Variants in ATP2C1 observed in about 807,000 individuals in gnomAD.
The protein encoded by ATP2C1 is calcium-transporting ATPase type 2C member 1.
ATP2C1 carries 31 observed loss-of-function variants against 120.5 expected under a neutral mutation model. That is an observed-to-expected ratio of 0.26 (90% confidence interval 0.19 to 0.35). The LOEUF (loss-of-function observed/expected upper bound fraction) is 0.35, where lower values mean the gene tolerates loss of function less well. Among genes scored for constraint, ATP2C1 ranks in the 10% least tolerant of loss-of-function variants. The pLI, the probability that ATP2C1 is intolerant of heterozygous loss-of-function variation, is 1.00. For synonymous variants in ATP2C1, 351 were observed against 358.7 expected, an observed-to-expected ratio of 0.98 and a Z score of 0.24; for missense variants, 731 against 1,107.5, an observed-to-expected ratio of 0.66 and a Z score of 4.83.
At position 130,975,397 on chromosome 3, in the gene ATP2C1, C is replaced by G; in HGVS notation, c.1479C>G (p.Tyr493Ter). ...AAGTAATTAAGTACTGTACTACATA[C>G]CAGAGCAAAGGGCAGACCTTGACAC... The part of the protein sequence containing the change: ...YEQVIKYCTT[Y>*]QSKGQTLTLT... Residue 493 changes from tyrosine to a stop codon, truncating the protein, a stop_gained, in exon 18 of 28, where the codon TAC becomes TAG. Coordinates refer to ENST00000510168, the MANE Select transcript of ATP2C1 (RefSeq NM_001378687.1). LOFTEE classifies it high-confidence loss of function. 6.2e-7 allele frequency: 1 copy of G among 1,613,754 alleles called. No individual in the cohort carries two copies. Among genetic ancestry groups the G allele is most frequent in the Non-Finnish European group, 8.5e-7 (1 of 1,179,790 alleles).
intron 8 of ATP2C1, among the ~76,000 whole-genome samples, chr3:130,951,412 T>C (rs919852164): frequency 6.6e-6 from 1 of 152,144 alleles, no homozygotes; most frequent in Admixed American, 6.5e-5. Flanking sequence ...GAGTTGTTAG[T>C]AGGATTAAAT....
intron 1 of ATP2C1, among the ~76,000 whole-genome samples, chr3:130,860,596 G>A (rs143269634): frequency 5.2e-4 from 79 of 152,314 alleles, no homozygotes; most frequent in African/African-American, 1.8e-3. Flanking sequence ...GAGAACTGAG[G>A]TTTCAAGAGG....
At chr3:130,893,707 G>A (rs2069293027), upstream of ATP2C1, among the ~76,000 whole-genome samples, 1 of 152,202 alleles carries the variant, frequency 6.6e-6, no homozygotes, top group Non-Finnish European at 1.5e-5. Flanking sequence ...GGCCGACCCC[G>A]CGGCCGCCCC....
rs183248242 is a variant in ATP2C1 at position 131,010,395 on chromosome 3, C to T, written c.2630-5757C>T. 1.8e-3 allele frequency among the ~76,000 whole-genome samples: 277 copies of T among 152,006 alleles called. 1 individual carries two copies. Among genetic ancestry groups the T allele is most frequent in the Middle Eastern group, 6.8e-3 (2 of 294 alleles). On this transcript the variant is annotated intron_variant, in intron 26 of 26. Coordinates refer to the ATP2C1 transcript ENST00000328560. Reference sequence around the variant, plus strand: ...ATTTTTAGTAGAGACGGGGTTTCACCATGTTAGCCAGGATGGTCTCGATCT... The same window carrying T: ...ATTTTTAGTAGAGACGGGGTTTCACTATGTTAGCCAGGATGGTCTCGATCT...
chr3:130,991,872 T>C (rs545711739), intron 20 of ATP2C1, among the ~76,000 whole-genome samples: 33 of 152,032 alleles, frequency 2.2e-4, no homozygotes, highest in Non-Finnish European at 3.4e-4. Flanking sequence ...TTCTCCAAAG[T>C]AGGAAGCAAG....
intron 20 of ATP2C1, 43 bp downstream of exon 20, chr3:130,980,722 T>C (rs1020928680): frequency 7.3e-7 from 1 of 1,374,888 alleles, no homozygotes; most frequent in African/African-American, 1.4e-5. Context: ...GGCCTTATTC[T>C]AAGTGTTACC....
At chr3:130,898,439 T>C (rs73872039) in intron 2 of ATP2C1, among the ~76,000 whole-genome samples, 3,220 of 152,272 alleles carry the variant, frequency 0.021, 118 homozygotes, top group African/African-American at 0.073. Flanking sequence ...TTCCTTTAAC[T>C]GAAAATAGGA....
chr3:130,990,272 A>AACC (rs1553779030), intron 20 of ATP2C1, among the ~76,000 whole-genome samples: 11 of 102,062 alleles, frequency 1.1e-4, no homozygotes, highest in Non-Finnish European at 1.4e-4. Context: ...CTTAAGAGCA[A>AACC]CCCCCCCCCC....
chr3:130,989,247 C>CAAAAAAAAAAAAA (rs71133625), intron 20 of ATP2C1, among the ~76,000 whole-genome samples: 1 of 121,962 alleles, frequency 8.2e-6, no homozygotes, highest in Non-Finnish European at 1.6e-5. Flanking sequence ...AAATCCATCT[C>CAAAAAAAAAAAAA]AAAAAAAAAA....
At chr3:130,891,397 A>T (rs2107870995), upstream of ATP2C1, among the ~76,000 whole-genome samples, 1 of 152,334 alleles carries the variant, frequency 6.6e-6, no homozygotes, top group East Asian at 1.9e-4. Flanking sequence ...GAATGTCATG[A>T]CCATTCTTCT....
rs557093132 is a variant in ATP2C1, at chr3:130,951,521, C to T, written c.532-2300C>T. ...TATTGGCATTATCTTTGAAGAAGGG[C>T]CCATTTTAAGATTTGTTTCTCTTAC... On this transcript the variant is annotated intron_variant, in intron 8 of 27. Transcript: ENST00000510168. Among the ~76,000 whole-genome samples the T allele has an allele frequency of 1.3e-4, 20 of 152,110 alleles. No homozygotes were observed. The South Asian group carries it at 4.1e-3, about 32-fold the overall frequency.
intron 1 of ATP2C1, among the ~76,000 whole-genome samples, chr3:130,852,148 C>T (rs1237969108): frequency 6.6e-6 from 1 of 152,190 alleles, no homozygotes; most frequent in African/African-American, 2.4e-5. Flanking sequence ...AAAAGACCAA[C>T]TTTTGGTTTC....
intron 11 of ATP2C1, 37 bp downstream of exon 11, chr3:130,956,216 AGTTTT>A: frequency 7.1e-7 from 1 of 1,415,654 alleles, no homozygotes; most frequent in Non-Finnish European, 9.9e-7. Flanking sequence ...TTTTTATTTG[AGTTTT>A]GTTTTTTGAA....
chr3:130,932,453 A>G (rs1543524), intron 4 of ATP2C1, among the ~76,000 whole-genome samples: 1 of 151,908 alleles, frequency 6.6e-6, no homozygotes, highest in East Asian at 1.9e-4. Context: ...TAAGGTAATC[A>G]TGGCCAGCTC....
chr3:130,985,173 T>G (rs540784341), intron 20 of ATP2C1, among the ~76,000 whole-genome samples: 2 of 152,246 alleles, frequency 1.3e-5, no homozygotes, highest in South Asian at 2.1e-4. Flanking sequence ...TCATGCACTT[T>G]CGTGAAGTCA....
intron 14 of ATP2C1, among the ~76,000 whole-genome samples, chr3:130,966,862 GCTTA>G (rs771203657): frequency 2.0e-5 from 3 of 152,050 alleles, no homozygotes; most frequent in Non-Finnish European, 4.4e-5. Flanking sequence ...ATAAGTTTAA[GCTTA>G]CTTATGTATA....
chr3:131,010,042 C>T (rs969410870), intron 26 of ATP2C1, among the ~76,000 whole-genome samples: 3 of 152,016 alleles, frequency 2.0e-5, no homozygotes, highest in Non-Finnish European at 4.4e-5. Flanking sequence ...AGAGCAGCAC[C>T]CAGTGAAATC....
chr3:130,865,797 C>T (rs905523481), intron 1 of ATP2C1, among the ~76,000 whole-genome samples: 2 of 152,190 alleles, frequency 1.3e-5, no homozygotes, highest in South Asian at 2.1e-4. Context: ...CCAATTAAAC[C>T]TCTTTTTTAT....
intron 1 of ATP2C1, among the ~76,000 whole-genome samples, chr3:130,880,725 T>A (rs773317676): frequency 6.6e-6 from 1 of 152,250 alleles, no homozygotes; most frequent in Non-Finnish European, 1.5e-5. Context: ...CTCATTGATA[T>A]GGGTTCTGTA....
Sources: allele counts gnomAD v4.1 joint callset (sites outside exome capture counted in the v4.1 genomes callset), GRCh38; gene constraint gnomAD v4.1.1; transcripts MANE v1.5; gene names NCBI Gene and HGNC (gene_info 2026-07-23, HGNC 2026-07-21).